PKM: variants seen among roughly 807,000 people sequenced by gnomAD.
PKM encodes pyruvate kinase M1/2.
PKM carries 18 observed loss-of-function variants against 49.8 expected under a neutral mutation model. That is an observed-to-expected ratio of 0.36 (90% CI 0.25 to 0.54). The LOEUF (loss-of-function observed/expected upper bound fraction) is 0.54. Among genes scored for constraint, PKM ranks in the 20% least tolerant of loss-of-function variants. The probability of loss-of-function intolerance (pLI) is 0.89; values close to 1 mark genes in which losing one functional copy is unlikely to be tolerated. For synonymous variants in PKM, 239 were observed against 261.8 expected (o/e 0.91, Z 0.84); for missense variants, 508 against 713.8 (o/e 0.71, Z 3.28).
In PKM at chr15:72,209,797, G is replaced by A. The variant is rs141864608; in HGVS notation, c.441C>T (p.Ala147=). 1.0e-4 allele frequency: 167 copies of A among 1,614,058 alleles called. No individual in the cohort carries two copies. Among genetic ancestry groups the A allele is most frequent in the Non-Finnish European group, 1.3e-4 (156 of 1,179,978 alleles). Residue 147 remains alanine, a synonymous_variant, in exon 5 of 11, where the codon GCC becomes GCT. Transcript: ENST00000335181. ...GATLKITLDN[A]YMEKCDENIL... ...TGTTCTCGTCACACTTTTCCATGTA[G>A]GCGTTATCCAGCGTGATTTTGAGAG...
At chr15:72,227,546 C>T in intron 1 of PKM, among the ~76,000 whole-genome samples, 1 of 151,968 alleles carries the variant, frequency 6.6e-6, no homozygotes, top group East Asian at 1.9e-4. Context: ...GAGTTCAAGA[C>T]CAGCCTGGCC....
At chr15:72,229,190 C>G (rs2082771866) in intron 1 of PKM, among the ~76,000 whole-genome samples, 1 of 152,170 alleles carries the variant, frequency 6.6e-6, no homozygotes, top group South Asian at 2.1e-4. Flanking sequence ...CAATTGTGGA[C>G]TAAGTAATTG....
chr15:72,219,283 A>C (rs2082460747), intron 1 of PKM, 173 bp from the exon 2 acceptor site: 3 of 597,990 alleles, frequency 5.0e-6, no homozygotes, highest in Admixed American at 3.0e-5. Flanking sequence ...TGTTAGAAAA[A>C]GGGTTCACCA....
Position 72,208,711 on chromosome 15 carries a change from G to C in PKM, c.746C>G (p.Ser249Cys), listed in dbSNP as rs1205093025. The change falls in exon 6 of 11, where the codon TCT (serine) becomes TGT (cysteine). Residue 249 changes from serine (S) to cysteine (C), a missense_variant. Physicochemically the swap from Ser to Cys is moderately radical, Grantham distance 112. Transcript: ENST00000335181. ...MVFASFIRKA[S>C]DVHEVRKVLG... ...GACCTTCCTAACTTCATGGACATCAGATGCCTTGCGGATGAATGACGCAAA... is the reference window on the plus strand; with the variant it reads ...GACCTTCCTAACTTCATGGACATCACATGCCTTGCGGATGAATGACGCAAA... 7 of 1,614,124 alleles carry C rather than the reference G, an allele frequency of 4.3e-6. No individual in the cohort carries two copies. In the South Asian group the frequency reaches 5.5e-5, roughly 13 times the overall value.
At position 72,208,547 on chromosome 15, in the gene PKM, T is replaced by A. The variant is rs924798680; in HGVS notation, c.836+74A>T. On this transcript the variant is annotated intron_variant, in intron 6 of 10. Coordinates refer to ENST00000335181, the MANE Select transcript of PKM (RefSeq NM_002654.6). ...ATTCTGATGGGCTAGGGGCTGGGAATCAGACATTCACAGGATGGACCATGC... is the reference window on the plus strand; with the variant it reads ...ATTCTGATGGGCTAGGGGCTGGGAAACAGACATTCACAGGATGGACCATGC... 3.3e-6 allele frequency: 5 copies of A among 1,513,754 alleles called. No individual in the cohort carries two copies. The African/African-American group carries it at 6.9e-5, about 21-fold the overall frequency. 93.8% of individuals were successfully genotyped at this position (1,513,754 alleles called of 1,614,324 possible).
Position 72,202,535 on chromosome 15 carries a change from G to A in PKM, c.1226C>T (p.Thr409Ile), listed in dbSNP as rs1449605419. 12 of 1,613,600 alleles carry A rather than the reference G, an allele frequency of 7.4e-6. No homozygotes were observed. Among genetic ancestry groups the A allele is most frequent in the South Asian group, 2.2e-5 (2 of 91,030 alleles). ...CACGGCACCCACGGCGGTGGCTTCT[G>A]TGGGGTCGCTGGTAATGGGCGCCAG... The part of the protein sequence containing the change: ...RRLAPITSDP[T>I]EATAVGAVEA... The change falls in exon 9 of 11, where the codon ACA becomes ATA. Residue 409 changes from threonine (T) to isoleucine (I), a missense_variant. By Grantham distance (89) the Thr-to-Ile change is moderately conservative. Transcript: ENST00000335181. This position sits in a 1 kb window ranked among gnomAD's most constrained non-coding sequence, Gnocchi z 4.5.
intron 3 of PKM, among the ~76,000 whole-genome samples, chr15:72,214,708 T>G (rs1450665781): frequency 6.6e-6 from 1 of 152,030 alleles, no homozygotes; most frequent in African/African-American, 2.4e-5. Context: ...GGCAGAAGAA[T>G]CTCTTGAACC....
In PKM at chr15:72,200,655, C is replaced by T. The variant is rs765134093; in HGVS notation, c.1308G>A (p.Arg436=). ...GAIIVLTKSG[R]SAHQVARYRP... Reference sequence around the variant, plus strand: ...GGTATCTGGCCACCTGGTGAGCAGACCTGAGATGGGATGGGGGACATACAG... The same window carrying T: ...GGTATCTGGCCACCTGGTGAGCAGATCTGAGATGGGATGGGGGACATACAG... Residue 436 remains arginine, a splice_region_variant and synonymous_variant, in exon 10 of 11, where the codon AGG becomes AGA. Transcript: ENST00000335181. This position sits in a 1 kb window ranked among gnomAD's most constrained non-coding sequence, Gnocchi z 4.6. 1 of 1,611,178 alleles carries T rather than the reference C, an allele frequency of 6.2e-7. No homozygotes were observed. Among genetic ancestry groups the T allele is most frequent in the Non-Finnish European group, 8.5e-7 (1 of 1,178,006 alleles).
intron 1 of PKM, among the ~76,000 whole-genome samples, chr15:72,228,376 C>CTTTTTTTTT (rs10656443): frequency 8.4e-6 from 1 of 118,848 alleles, no homozygotes; most frequent in Non-Finnish European, 1.6e-5. Context: ...TTAGTTGTGG[C>CTTTTTTTTT]TTTTTTTTTT....
chr15:72,226,422 C>A (rs573865080), intron 1 of PKM, among the ~76,000 whole-genome samples: 38 of 152,056 alleles, frequency 2.5e-4, no homozygotes, highest in African/African-American at 8.5e-4. Context: ...CCCAGCTACT[C>A]AGGAGGCTGA....
rs59687887 is a variant in PKM at position 72,225,088 on chromosome 15, ATTTTT to A, written c.-13-5983_-13-5979del. Among the ~76,000 whole-genome samples, 4 of 116,646 alleles carry A rather than the reference ATTTTT, an allele frequency of 3.4e-5. No individual in the cohort carries two copies. In the South Asian group the frequency reaches 8.6e-4, roughly 25 times the overall value. The allele number at this position is 116,646 out of a possible 152,430, so 76.5% of individuals were successfully genotyped here. On this transcript the variant is annotated intron_variant, in intron 1 of 10. Transcript: ENST00000335181. Reference sequence around the variant, plus strand: ...AGGCGCCCGCCACCAGGCCCGGCTAATTTTTTTTTTTTTTTTTTTTTGTATTTTTA... The same window carrying A: ...AGGCGCCCGCCACCAGGCCCGGCTAATTTTTTTTTTTTTTTTGTATTTTTA...
At chr15:72,206,586 C>T (rs971496546) in intron 8 of PKM, 142 bp downstream of exon 8, 17 of 815,158 alleles carry the variant, frequency 2.1e-5, no homozygotes, top group Non-Finnish European at 3.3e-5. Context: ...TCCACCCCCA[C>T]CCTCTTGCTG....
intron 8 of PKM, 100 bp downstream of exon 8, chr15:72,206,628 A>C: frequency 8.5e-7 from 1 of 1,175,238 alleles, no homozygotes; most frequent in Non-Finnish European, 1.3e-6. Flanking sequence ...AAGGCTGTGC[A>C]TAAGAGGATG....
At chr15:72,211,814 A>G (rs1282972547) in intron 3 of PKM, among the ~76,000 whole-genome samples, 1 of 151,278 alleles carries the variant, frequency 6.6e-6, no homozygotes, top group Non-Finnish European at 1.5e-5. Context: ...ATCTCAAGAA[A>G]AAAAAAAAAA....
rs771031079 is a variant in PKM, at chr15:72,219,076, C to T, written c.22G>A (p.Ala8Thr). 26 of 1,614,034 alleles carry T rather than the reference C, an allele frequency of 1.6e-5. No homozygotes were observed. The African/African-American group carries it at 3.5e-4, about 22-fold the overall frequency. ...TGGGTCTGAATGAAGGCAGTCCCGG[C>T]TTCACTATGGGGCTTCGACATGGCT... MSKPHSE[A>T]GTAFIQTQQL... Residue 8 changes from alanine (A) to threonine (T), a missense_variant, in exon 2 of 11, where the codon GCC (alanine) becomes ACC (threonine). Ala to Thr is a moderately conservative substitution (Grantham distance 58). Coordinates refer to ENST00000335181, the MANE Select transcript of PKM (RefSeq NM_002654.6).
In PKM at chr15:72,221,271, T is replaced by A. The variant is rs147562047; in HGVS notation, c.-13-2161A>T. The A allele has an allele frequency of 9.9e-3, 15,157 of 1,533,970 alleles. 112 individuals carry two copies. Among genetic ancestry groups the A allele is most frequent in the Non-Finnish European group, 0.012 (13,441 of 1,145,374 alleles). Reference sequence around the variant, plus strand: ...AAAGACCGCTCAGAGCTGAATACGGTGTGCCCTGGAGAGCTGCACAAGGAT... The same window carrying A: ...AAAGACCGCTCAGAGCTGAATACGGAGTGCCCTGGAGAGCTGCACAAGGAT... On this transcript the variant is annotated intron_variant, in intron 1 of 10. Transcript: ENST00000335181.
At chr15:72,228,590 T>C (rs1054214450) in intron 1 of PKM, 22 of 1,255,198 alleles carry the variant, frequency 1.8e-5, no homozygotes, top group Non-Finnish European at 2.3e-5. Context: ...GCGAAGATAA[T>C]TCTCTCAAAA....
Position 72,231,106 on chromosome 15 carries a change from C to CTT in PKM, c.-14+9_-14+10insAA. Reference sequence around the variant, plus strand: ...TGGGGACTGATGGCGTAGCCTCCTGCACCGCTCACCTCCGGCGCTGACCGA... The same window carrying CTT: ...TGGGGACTGATGGCGTAGCCTCCTGCTTACCGCTCACCTCCGGCGCTGACCGA... On this transcript the variant is annotated intron_variant, in intron 1 of 10. Coordinates refer to ENST00000335181, the MANE Select transcript of PKM (RefSeq NM_002654.6). 2.5e-6 allele frequency: 1 copy of CTT among 395,730 alleles called. No homozygotes were observed. 24.5% of individuals were successfully genotyped at this position (395,730 alleles called of 1,614,324 possible).
intron 3 of PKM, among the ~76,000 whole-genome samples, chr15:72,210,762 A>G (rs1442352326): frequency 6.6e-6 from 1 of 152,324 alleles, no homozygotes; most frequent in East Asian, 1.9e-4. Context: ...CCATTAAGGT[A>G]TGGGTGCAAA....
Sources: allele counts gnomAD v4.1 joint callset (sites outside exome capture counted in the v4.1 genomes callset), GRCh38; gene constraint gnomAD v4.1.1; non-coding constraint Gnocchi (gnomAD v3.1); transcripts MANE v1.5; gene names NCBI Gene and HGNC (gene_info 2026-07-23, HGNC 2026-07-21).